The following NEU3 variants were observed in gnomAD, a reference collection of about 807,000 sequenced individuals.
NEU3 encodes neuraminidase 3.
In NEU3, 10 loss-of-function variants were observed where a neutral mutation model predicts 11.4. That is an observed-to-expected ratio of 0.88 (90% CI 0.54 to 1.49). NEU3 has a LOEUF of 1.49. NEU3 is among the 40% of genes most tolerant of loss of function. The pLI is 0.00. For synonymous variants in NEU3, 212 were observed against 228.2 expected (o/e 0.93, Z 0.64); for missense variants, 529 against 581.8 (o/e 0.91, Z 0.93).
chr11:74,990,211 A>G, intron 1 of NEU3: 1 of 532,096 alleles, frequency 1.9e-6, no homozygotes, highest in East Asian at 3.0e-5. Flanking sequence ...AGGTATTATT[A>G]TCCATAGTTT....
downstream of NEU3, among the ~76,000 whole-genome samples, chr11:75,019,886 T>G (rs1057282451): frequency 6.6e-6 from 1 of 152,086 alleles, no homozygotes; most frequent in Non-Finnish European, 1.5e-5. Context: ...GAATTGTAAA[T>G]CCACTGACAA....
chr11:74,984,157 T>C (rs1311862300), upstream of NEU3, among the ~76,000 whole-genome samples: 7 of 152,326 alleles, frequency 4.6e-5, no homozygotes, highest in East Asian at 1.9e-4. Context: ...GTGCATATCG[T>C]TGGGAGACAA....
chr11:75,003,331 G>A (rs1369840215), intron 2 of NEU3, among the ~76,000 whole-genome samples: 2 of 152,148 alleles, frequency 1.3e-5, no homozygotes, highest in Non-Finnish European at 2.9e-5. Flanking sequence ...GAATTAGTAG[G>A]ATACCCTAAG....
At chr11:75,000,756 G>T (rs1055629756) in intron 2 of NEU3, among the ~76,000 whole-genome samples, 2 of 150,216 alleles carry the variant, frequency 1.3e-5, no homozygotes, top group Non-Finnish European at 3.0e-5. Context: ...GACTACAAGT[G>T]TGTGCCACCA....
At chr11:75,016,367 G>A (rs1948981411) in intron 3 of NEU3, among the ~76,000 whole-genome samples, 1 of 152,128 alleles carries the variant, frequency 6.6e-6, no homozygotes, top group Non-Finnish European at 1.5e-5. Context: ...TTTCTTTGGG[G>A]TCAAGGCATT....
intron 2 of NEU3, among the ~76,000 whole-genome samples, chr11:75,001,407 G>A (rs1039152768): frequency 6.6e-6 from 1 of 151,090 alleles, no homozygotes; most frequent in African/African-American, 2.4e-5. Context: ...AGCCTCCCAA[G>A]TAGCTGGGAC....
At chr11:74,997,126 A>G (rs1948796764) in intron 2 of NEU3, among the ~76,000 whole-genome samples, 1 of 152,226 alleles carries the variant, frequency 6.6e-6, no homozygotes. Flanking sequence ...TCTAGCCATG[A>G]AAGTCCTAGA....
intron 3 of NEU3, among the ~76,000 whole-genome samples, chr11:75,017,592 C>G (rs777454551): frequency 1.3e-5 from 2 of 152,174 alleles, no homozygotes; most frequent in African/African-American, 4.8e-5. Flanking sequence ...GTAGGCTAAT[C>G]ATGGCTGCCT....
rs1339497416 is a variant in NEU3 at position 74,989,151 on chromosome 11, G to A, written c.91G>A (p.Ala31Thr). ...PTETEEPGSS[A>T]EVMEEVTTCS... Reference sequence around the variant, plus strand: ...AGAGACGGAGGAGCCGGGGTCCAGTGCAGGTGAGCGGGGTTGGGAGACAGG... The same window carrying A: ...AGAGACGGAGGAGCCGGGGTCCAGTACAGGTGAGCGGGGTTGGGAGACAGG... Residue 31 changes from alanine (A) to threonine (T), a missense_variant, in exon 1 of 3, where the codon GCA becomes ACA. Coordinates refer to ENST00000294064, the MANE Select transcript of NEU3 (RefSeq NM_006656.6). 1.3e-6 allele frequency: 2 copies of A among 1,550,926 alleles called. No homozygotes were observed. Among genetic ancestry groups the A allele is most frequent in the African/African-American group, 1.4e-5 (1 of 73,022 alleles).
intron 1 of NEU3, among the ~76,000 whole-genome samples, chr11:74,989,474 G>A (rs1471048387): frequency 6.6e-6 from 1 of 152,174 alleles, no homozygotes; most frequent in Non-Finnish European, 1.5e-5. Flanking sequence ...CCTGGGTCTT[G>A]GTCCAGATTT....
intron 2 of NEU3, among the ~76,000 whole-genome samples, chr11:75,003,532 T>G (rs1032082910): frequency 1.6e-4 from 25 of 152,344 alleles, no homozygotes; most frequent in African/African-American, 6.0e-4. Context: ...TCCACATTTC[T>G]GATGCAAAAG....
chr11:75,001,226 G>A (rs531112899), intron 2 of NEU3, among the ~76,000 whole-genome samples: 2 of 147,266 alleles, frequency 1.4e-5, no homozygotes, highest in South Asian at 4.4e-4. Flanking sequence ...TGCTGAACAT[G>A]TTTTCATATG....
intron 1 of NEU3, among the ~76,000 whole-genome samples, chr11:74,990,443 G>A (rs1045096842): frequency 1.3e-5 from 2 of 152,020 alleles, no homozygotes; most frequent in South Asian, 2.1e-4. Flanking sequence ...TGCAACCTCC[G>A]TCTCCTGGTT....
At position 74,988,948 on chromosome 11, in the gene NEU3, C is replaced by G; in HGVS notation, c.-113C>G. The G allele has an allele frequency of 1.2e-6, 1 of 817,572 alleles. No homozygotes were observed. The highest frequency in any genetic ancestry group is 2.0e-6 in the Non-Finnish European group (1 of 512,178). 50.6% of individuals were successfully genotyped at this position (817,572 alleles called of 1,614,324 possible). ...TGTTTCCGGCAGTCGACACGCTCTT[C>G]GCTTCTCGGGGCTTGTCTCCGTGTC... On this transcript the variant is annotated 5_prime_UTR_variant, in exon 1 of 3. Coordinates refer to ENST00000294064, the MANE Select transcript of NEU3 (RefSeq NM_006656.6).
downstream of NEU3, among the ~76,000 whole-genome samples, chr11:75,011,237 A>G (rs1298323980): frequency 6.6e-6 from 1 of 152,116 alleles, no homozygotes; most frequent in Non-Finnish European, 1.5e-5. Flanking sequence ...CCCTTTTTTC[A>G]AAACACCTTG....
chr11:75,005,956 C>G lies in NEU3; in HGVS notation c.850C>G (p.Arg284Gly), dbSNP rs539514716. 21 of 1,613,746 alleles carry G rather than the reference C, an allele frequency of 1.3e-5. No homozygotes were observed. The highest frequency in any genetic ancestry group is 1.6e-5 in the Non-Finnish European group (19 of 1,179,856). Residue 284 changes from arginine to glycine, a missense_variant, in exon 3 of 3, where the codon CGG (arginine) becomes GGG (glycine). Physicochemically the swap from Arg to Gly is moderately radical, Grantham distance 125. Transcript: ENST00000294064. ...CAGTGCCCGGACACCAAACAGGTGC[C>G]GGGCAGAGGCGCTCAGCACTGACCA... The part of the protein sequence containing the change: ...YCSARTPNRC[R>G]AEALSTDHGE...
chr11:74,993,826 A>C lies in NEU3; in HGVS notation c.95-683A>C, dbSNP rs1027020017. Among the ~76,000 whole-genome samples, 17 of 152,040 alleles carry C rather than the reference A, an allele frequency of 1.1e-4. 1 individual carries two copies. The highest frequency in any genetic ancestry group is 4.1e-4 in the African/African-American group (17 of 41,386). On this transcript the variant is annotated intron_variant, in intron 1 of 2. Transcript: ENST00000294064. ...AAGGGGGCTGATTATGCTAGCTCAG[A>C]TCTCTAGTTTTCCTCTTATAAAGCC...
At chr11:74,984,949 T>A (rs1591746472), upstream of NEU3, among the ~76,000 whole-genome samples, 2 of 152,124 alleles carry the variant, frequency 1.3e-5, no homozygotes, top group Admixed American at 1.3e-4. Context: ...GGCACAGAAG[T>A]TAAATAAGTT....
intron 2 of NEU3, among the ~76,000 whole-genome samples, chr11:74,996,929 A>G (rs775278034): frequency 2.0e-5 from 3 of 152,214 alleles, no homozygotes; most frequent in Non-Finnish European, 4.4e-5. Context: ...TTTCCTGAGC[A>G]GTAGGTCTCA....
Sources: allele counts gnomAD v4.1 joint callset (sites outside exome capture counted in the v4.1 genomes callset), GRCh38; gene constraint gnomAD v4.1.1; transcripts MANE v1.5; gene names NCBI Gene and HGNC (gene_info 2026-07-23, HGNC 2026-07-21).